TMPRSS11F: variants seen among roughly 807,000 people sequenced by gnomAD.
TMPRSS11F encodes the protein transmembrane serine protease 11F.
Under a neutral mutation model 60.2 loss-of-function variants are expected in TMPRSS11F, and 47 were observed. The ratio of observed to expected loss-of-function variants is 0.78; its 90% CI spans 0.62 to 1.00. The LOEUF (loss-of-function observed/expected upper bound fraction) is 1.00. Among genes scored for constraint, TMPRSS11F ranks in the 50% least tolerant of loss-of-function variants. TMPRSS11F has a pLI of 0.00. For missense variants in TMPRSS11F, 519 were observed against 522.9 expected, an observed-to-expected ratio of 0.99 and a Z score of 0.07; for synonymous variants, 166 against 167.3, an observed-to-expected ratio of 0.99 and a Z score of 0.06.
intron 1 of TMPRSS11F, among the ~76,000 whole-genome samples, chr4:68,124,833 T>C (rs541857765): frequency 3.0e-4 from 45 of 152,164 alleles, no homozygotes; most frequent in Admixed American, 4.6e-4. Context: ...TGAGTTGTTT[T>C]GTTTTGTTTT....
At chr4:68,113,928 T>G (rs996256032) in intron 1 of TMPRSS11F, among the ~76,000 whole-genome samples, 1 of 152,156 alleles carries the variant, frequency 6.6e-6, no homozygotes, top group Non-Finnish European at 1.5e-5. Context: ...TTATAAAGTA[T>G]GTTCTTCGAT....
rs145440815 is a variant in TMPRSS11F at position 68,053,924 on chromosome 4, T to G, written c.1302A>C (p.Ser434=). 10 of 1,613,492 alleles carry G rather than the reference T, an allele frequency of 6.2e-6. No homozygotes were observed. In the African/African-American group the frequency reaches 1.3e-4, roughly 22 times the overall value. Residue 434 remains serine (S), a synonymous_variant, in exon 10 of 10, where the codon TCA becomes TCC. Coordinates refer to ENST00000356291, the MANE Select transcript of TMPRSS11F (RefSeq NM_207407.2). ...GCAATCCACACTACATACCAGTCTT[T>G]GAGGCAATCCAATCTCGATACTTAG... is the stretch of plus-strand genomic sequence containing the variant. The part of the protein sequence containing the change: ...RVTKYRDWIA[S]KTGM
intron 1 of TMPRSS11F, among the ~76,000 whole-genome samples, chr4:68,124,053 T>G (rs1378070271): frequency 6.6e-6 from 1 of 151,842 alleles, no homozygotes. Context: ...AAACCCCATC[T>G]CTACTAAAAA....
rs74615135 is a variant in TMPRSS11F at position 68,073,773 on chromosome 4, T to C, written c.350+169A>G. Among the ~76,000 whole-genome samples the C allele has an allele frequency of 1.9e-3, 296 of 152,320 alleles. 6 individuals carry two copies. The East Asian group carries it at 0.053, about 27-fold the overall frequency. ...GAGATTTTCTTGTCACAAAGCACCT[T>C]ACGACTTTCTATTGTGATTGGGAAA... On this transcript the variant is annotated intron_variant, in intron 4 of 9. Coordinates refer to ENST00000356291, the MANE Select transcript of TMPRSS11F (RefSeq NM_207407.2).
At chr4:68,102,747 T>A (rs1402425987) in intron 1 of TMPRSS11F, among the ~76,000 whole-genome samples, 1 of 152,172 alleles carries the variant, frequency 6.6e-6, no homozygotes, top group Non-Finnish European at 1.5e-5. Flanking sequence ...TTGCAAATAT[T>A]TTTCCCAATC....
chr4:68,064,955 T>A lies in TMPRSS11F; in HGVS notation c.756-11A>T. ...GTTGGGTCTTTATTTCTGCAAAAAA[T>A]TAAAAAGTAATACTTGTGATGCTTG... On this transcript the variant is annotated splice_polypyrimidine_tract_variant and intron_variant, in intron 7 of 9. Coordinates refer to ENST00000356291, the MANE Select transcript of TMPRSS11F (RefSeq NM_207407.2). 1 of 1,604,014 alleles carries A rather than the reference T, an allele frequency of 6.2e-7. No homozygotes were observed. The highest frequency in any genetic ancestry group is 8.5e-7 in the Non-Finnish European group (1 of 1,176,004).
chr4:68,057,334 T>C (rs1364309721), intron 9 of TMPRSS11F, among the ~76,000 whole-genome samples: 3 of 149,782 alleles, frequency 2.0e-5, no homozygotes, highest in Non-Finnish European at 3.0e-5. Context: ...CCCTTACCCT[T>C]ACACCATGCA....
At position 68,068,662 on chromosome 4, in the gene TMPRSS11F, G is replaced by A. The variant is rs1167694053; in HGVS notation, c.711C>T (p.Leu237=). ...CTGTGAGCAGCCATGTGTTACTGATGAGGCTGGCTCCACACTGATGGCCTG... is the reference window on the plus strand; with the variant it reads ...CTGTGAGCAGCCATGTGTTACTGATAAGGCTGGCTCCACACTGATGGCCTG... ...IGSGHQCGAS[L]ISNTWLLTAA... Residue 237 remains leucine, a synonymous_variant, in exon 7 of 10, where the codon CTC becomes CTT. Transcript: ENST00000356291. 20 of 1,614,176 alleles carry A rather than the reference G, an allele frequency of 1.2e-5. No individual in the cohort carries two copies. Among genetic ancestry groups the A allele is most frequent in the Non-Finnish European group, 1.6e-5 (19 of 1,180,018 alleles).
At chr4:68,057,493 T>C (rs1723070789) in intron 9 of TMPRSS11F, among the ~76,000 whole-genome samples, 2 of 151,892 alleles carry the variant, frequency 1.3e-5, no homozygotes, top group South Asian at 2.1e-4. Flanking sequence ...AAAGCAAAAA[T>C]AGGCAAATCA....
chr4:68,114,567 AAACAGATTCTGCCAGAAAAC>A (rs1459656464), intron 1 of TMPRSS11F, among the ~76,000 whole-genome samples: 2 of 152,270 alleles, frequency 1.3e-5, no homozygotes, highest in South Asian at 2.1e-4. Context: ...ACATCAATTT[AAACAGATTCTGCCAGAAAAC>A]AACAGATTCT....
chr4:68,086,346 CA>C (rs1176829197), intron 3 of TMPRSS11F, among the ~76,000 whole-genome samples: 7 of 152,034 alleles, frequency 4.6e-5, no homozygotes, highest in African/African-American at 1.4e-4. Context: ...AGGCACAAGA[CA>C]TCAACATCTT....
chr4:68,057,722 G>A (rs1212002017), intron 9 of TMPRSS11F, among the ~76,000 whole-genome samples: 1 of 151,982 alleles, frequency 6.6e-6, no homozygotes, highest in African/African-American at 2.4e-5. Flanking sequence ...CCTCTCAAAA[G>A]AAGACATACA....
At chr4:68,095,019 A>C (rs1724042374) in intron 2 of TMPRSS11F, among the ~76,000 whole-genome samples, 1 of 152,052 alleles carries the variant, frequency 6.6e-6, no homozygotes, top group Non-Finnish European at 1.5e-5. Flanking sequence ...ACAACTGGCA[A>C]ATTCAGTGTT....
rs2109822078 is a variant in TMPRSS11F at position 68,053,850 on chromosome 4, C to T, written c.*59G>A. 1.3e-6 allele frequency: 2 copies of T among 1,497,600 alleles called. No homozygotes were observed. Among genetic ancestry groups the T allele is most frequent in the East Asian group, 2.3e-5 (1 of 43,490 alleles). The allele number at this position is 1,497,600 out of a possible 1,614,324, so 92.8% of individuals were successfully genotyped here. ...CCAAAGTAAATGAATTTAAACAATA[C>T]AAAATACGCAGGAGTATCAGCTCTG... On this transcript the variant is annotated 3_prime_UTR_variant, in exon 10 of 10. Coordinates refer to ENST00000356291, the MANE Select transcript of TMPRSS11F (RefSeq NM_207407.2).
chr4:68,060,594 ATC>A lies in TMPRSS11F; in HGVS notation c.1016-1128_1016-1127del, dbSNP rs542876254. On this transcript the variant is annotated intron_variant, in intron 8 of 9. Coordinates refer to ENST00000356291, the MANE Select transcript of TMPRSS11F (RefSeq NM_207407.2). Reference sequence around the variant, plus strand: ...GGATATCCTTGACAGAAACATAAGTATCTCTCTTTTTTTTTTTCAGGTTCTAA... The same window carrying A: ...GGATATCCTTGACAGAAACATAAGTATCTCTTTTTTTTTTTCAGGTTCTAA... Among the ~76,000 whole-genome samples, 777 of 144,184 alleles carry A rather than the reference ATC, an allele frequency of 5.4e-3. 7 individuals carry two copies. Among genetic ancestry groups the A allele is most frequent in the African/African-American group, 0.018 (730 of 39,602 alleles). 94.6% of individuals were successfully genotyped at this position (144,184 alleles called of 152,430 possible).
chr4:68,079,348 A>C (rs571410641), intron 3 of TMPRSS11F, among the ~76,000 whole-genome samples: 3 of 152,258 alleles, frequency 2.0e-5, no homozygotes, highest in African/African-American at 7.2e-5. Flanking sequence ...GACAACCTTG[A>C]ATTAATTACA....
chr4:68,073,488 T>G (rs189402598), intron 4 of TMPRSS11F, among the ~76,000 whole-genome samples: 1 of 151,478 alleles, frequency 6.6e-6, no homozygotes, highest in Admixed American at 6.6e-5. Context: ...CAAGAAGGTA[T>G]GAAAGAAAGA....
chr4:68,122,141 T>C (rs748148218), intron 1 of TMPRSS11F, among the ~76,000 whole-genome samples: 1 of 152,202 alleles, frequency 6.6e-6, no homozygotes, highest in African/African-American at 2.4e-5. Context: ...CCATATAGTA[T>C]AGGATAACAT....
chr4:68,097,780 C>T (rs1161108244), intron 2 of TMPRSS11F, among the ~76,000 whole-genome samples: 13 of 151,624 alleles, frequency 8.6e-5, no homozygotes, highest in Admixed American at 8.6e-4. Context: ...ACCTTCTAAC[C>T]CAAAGAAAAT....
Sources: allele counts gnomAD v4.1 joint callset (sites outside exome capture counted in the v4.1 genomes callset), GRCh38; gene constraint gnomAD v4.1.1; transcripts MANE v1.5; gene names NCBI Gene and HGNC (gene_info 2026-07-23, HGNC 2026-07-21).